The following RASGRF2 variants were observed in gnomAD, a reference collection of about 807,000 sequenced individuals.
RASGRF2 encodes Ras protein specific guanine nucleotide releasing factor 2, also known as ras-specific guanine nucleotide-releasing factor 2.
RASGRF2 carries 76 observed loss-of-function variants against 151.0 expected under a neutral mutation model. That is an observed-to-expected ratio of 0.50 (90% confidence interval 0.42 to 0.61). The LOEUF is 0.61. RASGRF2 is among the 20% of genes least tolerant of loss of function. RASGRF2 has a pLI of 0.00. For synonymous variants in RASGRF2, 504 were observed against 566.5 expected, an observed-to-expected ratio of 0.89 and a Z score of 1.57; for missense variants, 1,148 against 1,564.6, an observed-to-expected ratio of 0.73 and a Z score of 4.49.
intron 1 of RASGRF2, among the ~76,000 whole-genome samples, chr5:81,035,143 C>A (rs1255776200): frequency 6.6e-6 from 1 of 152,050 alleles, no homozygotes; most frequent in Non-Finnish European, 1.5e-5. Flanking sequence ...AATCATGCTG[C>A]TATAAAGACA....
chr5:80,983,264 T>A (rs1748370307), intron 1 of RASGRF2, among the ~76,000 whole-genome samples: 1 of 152,194 alleles, frequency 6.6e-6, no homozygotes, highest in African/African-American at 2.4e-5. Flanking sequence ...CATGTTGGGA[T>A]CTCTGCTGTG....
rs775641876 is a variant in RASGRF2 at position 81,216,365 on chromosome 5, ACACG to A, written c.3434+414_3434+417del. On this transcript the variant is annotated intron_variant, in intron 24 of 26. Transcript: ENST00000265080. ...TCCCTTTCTACACACACACACACAC[ACACG>A]CACACACACACACACAAACACACAC... Among the ~76,000 whole-genome samples, 200 of 89,946 alleles carry A rather than the reference ACACG, an allele frequency of 2.2e-3. 2 individuals carry two copies. Among genetic ancestry groups the A allele is most frequent in the African/African-American group, 3.1e-3 (73 of 23,222 alleles). 59.0% of individuals were successfully genotyped at this position (89,946 alleles called of 152,430 possible). A position where few individuals can be genotyped will look rare whatever the true frequency, so the allele number is the denominator to read the frequency against.
intron 1 of RASGRF2, among the ~76,000 whole-genome samples, chr5:81,031,846 T>G (rs957590139): frequency 5.9e-5 from 9 of 151,984 alleles, no homozygotes; most frequent in African/African-American, 2.2e-4. Flanking sequence ...CTTCAAAAAA[T>G]CAATGAATCC....
intron 1 of RASGRF2, among the ~76,000 whole-genome samples, chr5:80,990,930 A>T (rs78741128): frequency 3.9e-5 from 6 of 152,220 alleles, no homozygotes; most frequent in African/African-American, 1.2e-4. Flanking sequence ...TTTGTAGGTC[A>T]TAGGAGTTTG....
chr5:81,073,602 G>GTTATT (rs763916043), intron 5 of RASGRF2, 150 bp downstream of exon 5: 7 of 796,448 alleles, frequency 8.8e-6, no homozygotes, highest in South Asian at 4.3e-5. Flanking sequence ...GTGTTCCATT[G>GTTATT]TTATTTTATT....
intron 18 of RASGRF2, among the ~76,000 whole-genome samples, chr5:81,193,350 A>G (rs1755190776): frequency 1.3e-5 from 2 of 152,180 alleles, no homozygotes; most frequent in South Asian, 2.1e-4. Flanking sequence ...AGCCTCATTA[A>G]TGCAAACTAG....
intron 1 of RASGRF2, among the ~76,000 whole-genome samples, chr5:81,039,473 C>T (rs1195347808): frequency 6.6e-6 from 1 of 151,996 alleles, no homozygotes; most frequent in Admixed American, 6.6e-5. Context: ...CTTGTCCACA[C>T]CCAATAATCT....
intron 18 of RASGRF2, among the ~76,000 whole-genome samples, chr5:81,186,226 A>G (rs1474597029): frequency 6.6e-6 from 1 of 152,198 alleles, no homozygotes; most frequent in Non-Finnish European, 1.5e-5. Flanking sequence ...ATAAAGGGCA[A>G]TAAACTTCAG....
At chr5:80,990,222 T>TG (rs1748605919) in intron 1 of RASGRF2, among the ~76,000 whole-genome samples, 1 of 146,188 alleles carries the variant, frequency 6.8e-6, no homozygotes, top group South Asian at 2.2e-4. Context: ...CCAGATGTTT[T>TG]TTTTTTTTTT....
intron 2 of RASGRF2, among the ~76,000 whole-genome samples, chr5:81,062,307 C>G (rs1751468265): frequency 6.6e-6 from 1 of 152,094 alleles, no homozygotes. Flanking sequence ...CTGTCTTTTG[C>G]CCGCTCTGTT....
At chr5:81,120,491 G>A (rs1753276600) in intron 15 of RASGRF2, among the ~76,000 whole-genome samples, 1 of 152,196 alleles carries the variant, frequency 6.6e-6, no homozygotes. Context: ...GCTGAAGCGG[G>A]AGGATCACTT....
chr5:80,979,201 A>T (rs1748221970), intron 1 of RASGRF2, among the ~76,000 whole-genome samples: 1 of 152,180 alleles, frequency 6.6e-6, no homozygotes, highest in African/African-American at 2.4e-5. Flanking sequence ...TTTAATAAAC[A>T]CTCTACTTGC....
chr5:81,126,991 G>T, intron 16 of RASGRF2, 83 bp from the exon 17 acceptor site: 1 of 1,465,762 alleles, frequency 6.8e-7, no homozygotes, highest in South Asian at 1.2e-5. Flanking sequence ...TTCATCTGGT[G>T]CAGGAAGAAA....
At chr5:81,000,627 AG>A (rs748528989) in intron 1 of RASGRF2, among the ~76,000 whole-genome samples, 10 of 152,032 alleles carry the variant, frequency 6.6e-5, no homozygotes, top group Non-Finnish European at 1.2e-4. Flanking sequence ...TTTTTTCCTT[AG>A]TAAAAGTTAA....
chr5:81,084,281 C>A (rs1038589069), intron 7 of RASGRF2, among the ~76,000 whole-genome samples: 2 of 152,164 alleles, frequency 1.3e-5, no homozygotes, highest in Admixed American at 1.3e-4. Context: ...CTATTGATTG[C>A]CTTGATTTTC....
chr5:81,197,552 T>G (rs939240740), intron 18 of RASGRF2, among the ~76,000 whole-genome samples: 3 of 151,658 alleles, frequency 2.0e-5, no homozygotes, highest in African/African-American at 7.3e-5. Flanking sequence ...AATACTAAAT[T>G]CAAATTAGAT....
chr5:81,041,130 C>T (rs1262576584), intron 1 of RASGRF2, among the ~76,000 whole-genome samples: 2 of 151,954 alleles, frequency 1.3e-5, no homozygotes, highest in Non-Finnish European at 2.9e-5. Flanking sequence ...GGTGAAACTT[C>T]GTCTCTACCA....
intron 26 of RASGRF2, among the ~76,000 whole-genome samples, chr5:81,222,508 TC>T (rs1426056384): frequency 6.6e-6 from 1 of 152,148 alleles, no homozygotes. Flanking sequence ...ACTTTCCCAA[TC>T]CCCACTCCAC....
At chr5:80,970,234 A>G (rs1747887070) in intron 1 of RASGRF2, among the ~76,000 whole-genome samples, 2 of 152,210 alleles carry the variant, frequency 1.3e-5, no homozygotes, top group Non-Finnish European at 2.9e-5. Flanking sequence ...GGCAGTTACT[A>G]AGGCTTCATT....
Sources: allele counts gnomAD v4.1 joint callset (sites outside exome capture counted in the v4.1 genomes callset), GRCh38; gene constraint gnomAD v4.1.1; transcripts MANE v1.5; gene names NCBI Gene and HGNC (gene_info 2026-07-23, HGNC 2026-07-21).